ACCSL: variants seen among roughly 807,000 people sequenced by gnomAD.
The protein encoded by ACCSL is probable inactive 1-aminocyclopropane-1-carboxylate synthase-like protein 2.
Under a neutral mutation model 61.7 loss-of-function variants are expected in ACCSL, and 55 were observed. The observed-to-expected ratio is 0.89, with a 90% CI of 0.72 to 1.12. The LOEUF (loss-of-function observed/expected upper bound fraction) is 1.12, where lower values mean the gene tolerates loss of function less well. Ranked by LOEUF, ACCSL falls within the 50% of genes most tolerant of loss-of-function variation. ACCSL has a pLI of 0.00. For missense variants in ACCSL, 632 were observed against 698.0 expected, an observed-to-expected ratio of 0.91 and a Z score of 1.07; for synonymous variants, 258 against 264.3, an observed-to-expected ratio of 0.98 and a Z score of 0.23.
intron 8 of ACCSL, among the ~76,000 whole-genome samples, chr11:44,053,872 T>G (rs1246799247): frequency 1.3e-5 from 2 of 152,066 alleles, no homozygotes; most frequent in Non-Finnish European, 2.9e-5. Flanking sequence ...AAAAAGTAAT[T>G]TACCCTAAAT....
the ACCSL span, among the ~76,000 whole-genome samples, chr11:43,948,675 T>G: frequency 6.6e-6 from 1 of 151,962 alleles, no homozygotes; most frequent in African/African-American, 2.4e-5. Context: ...GGTCTCCCTA[T>G]ATGGCACAGG....
chr11:43,972,980 C>CT, the ACCSL span, among the ~76,000 whole-genome samples: 3 of 152,210 alleles, frequency 2.0e-5, no homozygotes, highest in Admixed American at 6.5e-5. Context: ...CCATCTCTCT[C>CT]TTTTTTTATA....
Position 44,048,356 on chromosome 11 carries a change from A to G in ACCSL, c.320A>G (p.Tyr107Cys). The G allele has an allele frequency of 6.2e-7, 1 of 1,614,076 alleles. No homozygotes were observed. ...GAGGACTCTAGGGGTGATGTCAGAT[A>G]TGGGCAGAGGGCCCAACTCTCTGGG... Reference protein sequence around the residue: ...PSEDSRGDVRYGQRAQLSGQP... With the variant: ...PSEDSRGDVRCGQRAQLSGQP... The change falls in exon 1 of 14, where the codon TAT (tyrosine) becomes TGT (cysteine). Residue 107 changes from tyrosine to cysteine, a missense_variant. Physicochemically the swap from Tyr to Cys is radical, Grantham distance 194. Transcript: ENST00000378832.
the ACCSL span, among the ~76,000 whole-genome samples, chr11:43,927,337 A>G: frequency 6.6e-6 from 1 of 152,208 alleles, no homozygotes; most frequent in Non-Finnish European, 1.5e-5. Flanking sequence ...AATCACGAGA[A>G]TGGAGGGAGG....
chr11:44,024,804 T>C, the ACCSL span, among the ~76,000 whole-genome samples: 1 of 152,200 alleles, frequency 6.6e-6, no homozygotes, highest in African/African-American at 2.4e-5. Flanking sequence ...TCTGTTATTA[T>C]TGAATTGTCT....
chr11:44,035,382 C>T, the ACCSL span, among the ~76,000 whole-genome samples: 2 of 152,022 alleles, frequency 1.3e-5, no homozygotes, highest in African/African-American at 2.4e-5. Context: ...TCTCTGTTGT[C>T]CAACAGGACA....
the ACCSL span, among the ~76,000 whole-genome samples, chr11:44,003,634 C>CTT: frequency 7.8e-6 from 1 of 128,468 alleles, no homozygotes; most frequent in Non-Finnish European, 1.7e-5. Flanking sequence ...CAGAGTGAGA[C>CTT]TTTGTCTCAA....
At chr11:43,940,154 T>TTAC in the ACCSL span, among the ~76,000 whole-genome samples, 14 of 151,632 alleles carry the variant, frequency 9.2e-5, no homozygotes, top group African/African-American at 3.4e-4. Context: ...ATTATTATTA[T>TTAC]TACTGTATAG....
At chr11:43,926,253 C>T in the ACCSL span, among the ~76,000 whole-genome samples, 1 of 150,836 alleles carries the variant, frequency 6.6e-6, no homozygotes, top group Non-Finnish European at 1.5e-5. Flanking sequence ...TCACTCTCGG[C>T]GGCCCCACCA....
chr11:43,969,392 C>A, the ACCSL span, among the ~76,000 whole-genome samples: 1 of 152,016 alleles, frequency 6.6e-6, no homozygotes, highest in Non-Finnish European at 1.5e-5. Flanking sequence ...ATTTTTTAAA[C>A]AATTTTCTTA....
Position 44,056,290 on chromosome 11 carries a change from A to T in ACCSL, c.1291A>T (p.Thr431Ser). The change falls in exon 11 of 14, where the codon ACC (threonine) becomes TCC (serine). Residue 431 changes from threonine to serine, a missense_variant. Thr to Ser is a moderately conservative substitution (Grantham distance 58). Coordinates refer to ENST00000378832, the MANE Select transcript of ACCSL (RefSeq NM_001031854.2). ...FGYLHSISGI[T>S]QHKLCQLLQN... ...CTACCTCCACAGTATTTCTGGCATCACCCAGCACAAGCTGTGTCAACTGCT... is the reference window on the plus strand; with the variant it reads ...CTACCTCCACAGTATTTCTGGCATCTCCCAGCACAAGCTGTGTCAACTGCT... The T allele has an allele frequency of 1.2e-6, 2 of 1,614,128 alleles. No homozygotes were observed. The highest frequency in any genetic ancestry group is 1.7e-6 in the Non-Finnish European group (2 of 1,180,020).
the ACCSL span, among the ~76,000 whole-genome samples, chr11:44,041,632 T>C: frequency 6.6e-6 from 1 of 152,174 alleles, no homozygotes; most frequent in Non-Finnish European, 1.5e-5. Context: ...TTAATTCTCT[T>C]GTGTTTTCCA....
intron 9 of ACCSL, 119 bp from the exon 10 acceptor site, chr11:44,055,921 T>C (rs1952668096): frequency 8.9e-7 from 1 of 1,128,268 alleles, no homozygotes; most frequent in Admixed American, 2.2e-5. Context: ...TCTTGAGCTT[T>C]GGGCCCTATA....
At chr11:44,014,082 G>A in the ACCSL span, among the ~76,000 whole-genome samples, 2 of 152,246 alleles carry the variant, frequency 1.3e-5, no homozygotes, top group Non-Finnish European at 2.9e-5. Flanking sequence ...TGGCCCCCAG[G>A]AGTGCTGCCA....
chr11:43,990,256 G>A, the ACCSL span, among the ~76,000 whole-genome samples: 184 of 152,296 alleles, frequency 1.2e-3, no homozygotes, highest in Non-Finnish European at 1.8e-3. Context: ...ATCTTAGTCC[G>A]TTCTGCTGCT....
chr11:43,942,883 C>T, the ACCSL span: 3 of 1,316,400 alleles, frequency 2.3e-6, no homozygotes, highest in Non-Finnish European at 9.7e-7. Context: ...CGCCGCCCGG[C>T]CCCGCAGACG....
the ACCSL span, among the ~76,000 whole-genome samples, chr11:43,928,124 A>C: frequency 6.6e-6 from 1 of 152,148 alleles, no homozygotes. Context: ...GCTGATGAGC[A>C]GGGAGGGACC....
chr11:43,993,940 G>GC, the ACCSL span, among the ~76,000 whole-genome samples: 1 of 152,150 alleles, frequency 6.6e-6, no homozygotes, highest in Non-Finnish European at 1.5e-5. Context: ...CAAAACCTGT[G>GC]CCCAGATGCA....
At chr11:44,036,765 G>A in the ACCSL span, among the ~76,000 whole-genome samples, 1 of 143,002 alleles carries the variant, frequency 7.0e-6, no homozygotes, top group Admixed American at 7.2e-5. Context: ...CTGGGTGACA[G>A]AGCAAGACAC....
Sources: gnomAD v4.1 joint callset for allele counts (sites outside exome capture counted in the v4.1 genomes callset) on GRCh38, gnomAD v4.1.1 for gene constraint, MANE v1.5 for transcripts, NCBI Gene and HGNC (gene_info 2026-07-23, HGNC 2026-07-21) for gene names.